Variants in KCND2 observed in about 807,000 individuals in gnomAD.
The protein encoded by KCND2 is A-type voltage-gated potassium channel KCND2.
A neutral mutation model predicts 54.4 loss-of-function variants in KCND2; 16 were observed. The observed-to-expected ratio is 0.29, with a 90% CI of 0.20 to 0.45. The LOEUF (loss-of-function observed/expected upper bound fraction) is 0.45. Ranked by LOEUF, KCND2 falls within the 20% of genes least tolerant of loss-of-function variation. The pLI is 1.00. For synonymous variants in KCND2, 317 were observed against 310.7 expected (o/e 1.02, Z -0.21); for missense variants, 486 against 824.2 (o/e 0.59, Z 5.02).
chr7:120,488,841 AT>A (rs1330406326), intron 1 of KCND2, among the ~76,000 whole-genome samples: 3 of 152,064 alleles, frequency 2.0e-5, no homozygotes, highest in Admixed American at 6.6e-5. Flanking sequence ...TTATGACTTA[AT>A]TTGGGCTTCT....
intron 1 of KCND2, among the ~76,000 whole-genome samples, chr7:120,484,531 T>A (rs1802662411): frequency 6.6e-6 from 1 of 151,040 alleles, no homozygotes; most frequent in South Asian, 2.1e-4. Context: ...AGAGATGAAA[T>A]CTGCTATATC....
intron 1 of KCND2, among the ~76,000 whole-genome samples, chr7:120,328,477 T>G (rs1475069654): frequency 2.0e-5 from 3 of 152,136 alleles, no homozygotes; most frequent in Non-Finnish European, 4.4e-5. Flanking sequence ...AATATCAAAG[T>G]TGACAGTTTA....
chr7:120,568,040 T>G (rs1792319160), intron 1 of KCND2, among the ~76,000 whole-genome samples: 1 of 152,048 alleles, frequency 6.6e-6, no homozygotes, highest in Admixed American at 6.6e-5. Context: ...AAGAAAAATG[T>G]TTGTCACAAA....
intron 1 of KCND2, among the ~76,000 whole-genome samples, chr7:120,328,455 A>G (rs1186670300): frequency 6.6e-6 from 1 of 152,150 alleles, no homozygotes; most frequent in East Asian, 1.9e-4. Flanking sequence ...TTCCAATGCC[A>G]TTCAGCTAGT....
At chr7:120,530,345 T>G (rs1458540910) in intron 1 of KCND2, among the ~76,000 whole-genome samples, 3 of 152,158 alleles carry the variant, frequency 2.0e-5, no homozygotes, top group African/African-American at 7.2e-5. Flanking sequence ...AGATGAGGAC[T>G]AAATCCACTA....
At chr7:120,462,147 A>G (rs1802292377) in intron 1 of KCND2, among the ~76,000 whole-genome samples, 1 of 148,164 alleles carries the variant, frequency 6.7e-6, no homozygotes, top group South Asian at 2.1e-4. Context: ...CATTAGTGTT[A>G]TTTCCTTAGC....
chr7:120,306,509 T>G (rs918838094), intron 1 of KCND2, among the ~76,000 whole-genome samples: 4 of 152,062 alleles, frequency 2.6e-5, no homozygotes, highest in African/African-American at 9.6e-5. Context: ...CAAAAATGAT[T>G]CTGGTCACAC....
intron 1 of KCND2, among the ~76,000 whole-genome samples, chr7:120,421,453 AT>A (rs1327554436): frequency 4.6e-5 from 7 of 152,200 alleles, no homozygotes; most frequent in African/African-American, 1.7e-4. Context: ...TCAGGTTTCT[AT>A]TTTGCATAAT....
intron 1 of KCND2, among the ~76,000 whole-genome samples, chr7:120,425,530 T>A (rs1170454026): frequency 6.6e-6 from 1 of 152,232 alleles, no homozygotes; most frequent in Non-Finnish European, 1.5e-5. Context: ...ATCACCCATT[T>A]AATTTCCAGC....
At chr7:120,738,661 A>G (rs184367449) in intron 2 of KCND2, among the ~76,000 whole-genome samples, 100 of 152,168 alleles carry the variant, frequency 6.6e-4, no homozygotes, top group African/African-American at 2.3e-3. Context: ...GCCATGCCAG[A>G]AGTTGTATGT....
At chr7:120,559,414 C>A (rs1227850318) in intron 1 of KCND2, among the ~76,000 whole-genome samples, 1 of 152,126 alleles carries the variant, frequency 6.6e-6, no homozygotes, top group East Asian at 1.9e-4. Context: ...TCTCATTCTG[C>A]AGATGAGAAC....
At chr7:120,622,687 ACACTCTCTCTCT>A (rs1475174056) in intron 1 of KCND2, among the ~76,000 whole-genome samples, 150 of 143,352 alleles carry the variant, frequency 1.0e-3, no homozygotes, top group African/African-American at 3.6e-3. Flanking sequence ...ACACACACAC[ACACTCTCTCTCT>A]CTCTCTCTCT....
chr7:120,609,565 G>T lies in KCND2; in HGVS notation c.1116-123338G>T, dbSNP rs1584852715. ...GCAAAACCTTTTGTGTTTGAGTTTTGTGAACTTTTGAAATTTGACACTGCT... is the reference window on the plus strand; with the variant it reads ...GCAAAACCTTTTGTGTTTGAGTTTTTTGAACTTTTGAAATTTGACACTGCT... On this transcript the variant is annotated intron_variant, in intron 1 of 5. Coordinates refer to ENST00000331113, the MANE Select transcript of KCND2 (RefSeq NM_012281.3). 3.9e-5 allele frequency among the ~76,000 whole-genome samples: 6 copies of T among 152,202 alleles called. 1 individual carries two copies. In the South Asian group the frequency reaches 1.2e-3, roughly 32 times the overall value.
intron 1 of KCND2, among the ~76,000 whole-genome samples, chr7:120,278,785 A>G (rs1011840843): frequency 1.3e-5 from 2 of 151,940 alleles, no homozygotes; most frequent in Non-Finnish European, 2.9e-5. Flanking sequence ...CGCTTTAAAA[A>G]TAGTTTTCAG....
intron 1 of KCND2, among the ~76,000 whole-genome samples, chr7:120,591,214 G>A (rs1239128867): frequency 6.6e-6 from 1 of 152,106 alleles, no homozygotes; most frequent in Non-Finnish European, 1.5e-5. Context: ...TACAAATTTG[G>A]TGAATGCTTA....
chr7:120,696,852 T>C (rs1242795285), intron 1 of KCND2, among the ~76,000 whole-genome samples: 1 of 152,214 alleles, frequency 6.6e-6, no homozygotes, highest in African/African-American at 2.4e-5. Flanking sequence ...TAAACCTCTA[T>C]AGTTTATAAA....
At position 120,533,928 on chromosome 7, in the gene KCND2, C is replaced by A. The variant is rs181591660; in HGVS notation, c.1116-198975C>A. 2.0e-5 allele frequency among the ~76,000 whole-genome samples: 3 copies of A among 152,204 alleles called. No homozygotes were observed. In the East Asian group the frequency reaches 5.8e-4, roughly 29 times the overall value. ...CCCATCCATCAGAGAATGGTGAGGCCAAGAAGCTTCGCTAACCCCCAGATG... is the reference window on the plus strand; with the variant it reads ...CCCATCCATCAGAGAATGGTGAGGCAAAGAAGCTTCGCTAACCCCCAGATG... On this transcript the variant is annotated intron_variant, in intron 1 of 5. Coordinates refer to ENST00000331113, the MANE Select transcript of KCND2 (RefSeq NM_012281.3).
chr7:120,521,187 A>T (rs1475735769), intron 1 of KCND2, among the ~76,000 whole-genome samples: 1 of 152,148 alleles, frequency 6.6e-6, no homozygotes, highest in Non-Finnish European at 1.5e-5. Flanking sequence ...AAAATACTAT[A>T]AATGTAGTGA....
chr7:120,496,547 C>G (rs1802850468), intron 1 of KCND2, among the ~76,000 whole-genome samples: 1 of 151,978 alleles, frequency 6.6e-6, no homozygotes, highest in Non-Finnish European at 1.5e-5. Context: ...GCCTCAGCCT[C>G]CTGAGTAGCT....
Sources: allele counts gnomAD v4.1 joint callset (sites outside exome capture counted in the v4.1 genomes callset), GRCh38; gene constraint gnomAD v4.1.1; transcripts MANE v1.5; gene names NCBI Gene and HGNC (gene_info 2026-07-23, HGNC 2026-07-21).